Variants in VCAN observed in about 807,000 individuals in gnomAD.
VCAN encodes versican.
In VCAN, 44 loss-of-function variants were observed where a neutral mutation model predicts 245.5. The ratio of observed to expected loss-of-function variants is 0.18; its 90% CI spans 0.14 to 0.23. The LOEUF is 0.23. Ranked by LOEUF, VCAN falls within the 10% of genes least tolerant of loss-of-function variation. The pLI is 1.00. For missense variants in VCAN, 3,793 were observed against 4,057.9 expected (o/e 0.93, Z 1.77); for synonymous variants, 1,413 against 1,437.0 (o/e 0.98, Z 0.38).
intron 5 of VCAN, among the ~76,000 whole-genome samples, chr5:83,496,196 C>G (rs1187992635): frequency 1.3e-5 from 2 of 152,190 alleles, no homozygotes; most frequent in Non-Finnish European, 2.9e-5. Context: ...GAACTGGACT[C>G]TGTCAGAAGA....
At chr5:83,475,831 A>G (rs755326677) in intron 1 of VCAN, among the ~76,000 whole-genome samples, 2 of 152,236 alleles carry the variant, frequency 1.3e-5, no homozygotes, top group Non-Finnish European at 2.9e-5. Flanking sequence ...ACAATCATTT[A>G]GGATTTATGT....
Position 83,538,886 on chromosome 5 carries a change from T to G in VCAN, c.5883T>G (p.Asp1961Glu). 1 of 1,613,946 alleles carries G rather than the reference T, an allele frequency of 6.2e-7. No individual in the cohort carries two copies. Among genetic ancestry groups the G allele is most frequent in the Non-Finnish European group, 8.5e-7 (1 of 1,179,934 alleles). Residue 1961 changes from aspartate to glutamate, a missense_variant, in exon 8 of 15, where the codon GAT becomes GAG. By Grantham distance (45) the Asp-to-Glu change is conservative. Around this residue, in one of 5 missense-constraint regions of VCAN, gnomAD observed 3,182 missense variants for 3,250.3 expected, o/e 0.98. Transcript: ENST00000265077. ...CGGTAATGATGGAAGGCTCTGGAGA[T>G]GCAGCATTTAGGGACACCCAGACTT... is the stretch of plus-strand genomic sequence containing the variant. ...EETVMMEGSG[D>E]AAFRDTQTSP...
intron 5 of VCAN, among the ~76,000 whole-genome samples, chr5:83,506,683 C>T (rs1010304316): frequency 2.0e-5 from 3 of 152,182 alleles, no homozygotes; most frequent in Admixed American, 2.0e-4. Flanking sequence ...TTTTCAGCAA[C>T]ACCCCACTGT....
Position 83,484,385 on chromosome 5 carries a change from C to T in VCAN, c.70+797C>T, listed in dbSNP as rs187539780. ...TCCATTCATCTGTCCAAAATCTTTC[C>T]ATCTGTTTGCTTATCAACATCTATC... On this transcript the variant is annotated intron_variant, in intron 2 of 14. Coordinates refer to ENST00000265077, the MANE Select transcript of VCAN (RefSeq NM_004385.5). Among the ~76,000 whole-genome samples the T allele has an allele frequency of 9.9e-5, 15 of 151,972 alleles. No homozygotes were observed. The East Asian group carries it at 2.9e-3, about 29-fold the overall frequency.
chr5:83,569,590 AAAAG>A (rs1341183398), intron 12 of VCAN, among the ~76,000 whole-genome samples: 35 of 152,192 alleles, frequency 2.3e-4, no homozygotes. Flanking sequence ...GTTATGAAGA[AAAAG>A]AAATTAAGAA....
Position 83,537,474 on chromosome 5 carries a change from G to C in VCAN, c.4471G>C (p.Glu1491Gln), listed in dbSNP as rs750531791. Residue 1491 changes from glutamate (E) to glutamine (Q), a missense_variant, in exon 8 of 15, where the codon GAA becomes CAA. Coordinates refer to ENST00000265077, the MANE Select transcript of VCAN (RefSeq NM_004385.5). The stretch of plus-strand genomic sequence containing the variant: ...GCCTGAGACTTACCCTGAAACATCA[G>C]AACATTTTTCAGGTGGTGAGCCTGA... ...WKPETYPETSEHFSGGEPDVF... is the reference protein window; with the variant it reads ...WKPETYPETSQHFSGGEPDVF... The C allele has an allele frequency of 6.2e-7, 1 of 1,613,928 alleles. No individual in the cohort carries two copies. The highest frequency in any genetic ancestry group is 1.1e-5 in the South Asian group (1 of 91,080).
intron 5 of VCAN, among the ~76,000 whole-genome samples, chr5:83,502,002 G>T (rs932413334): frequency 1.3e-5 from 2 of 151,966 alleles, no homozygotes; most frequent in African/African-American, 4.8e-5. Context: ...TATAAGTTTT[G>T]CAGTTCTTTT....
Position 83,580,569 on chromosome 5 carries a change from G to A in VCAN, c.*135G>A, listed in dbSNP as rs1360657481. 3.7e-6 allele frequency: 5 copies of A among 1,336,048 alleles called. No individual in the cohort carries two copies. Among genetic ancestry groups the A allele is most frequent in the Non-Finnish European group, 4.2e-6 (4 of 955,664 alleles). The allele number at this position is 1,336,048 out of a possible 1,614,324, so 82.8% of individuals were successfully genotyped here. A position where few individuals can be genotyped will look rare whatever the true frequency, so the allele number is the denominator to read the frequency against. ...CACCGTTCAGTCATTTTGGGTTGCC[G>A]TGCTCCCAAAACATTTTAAATGAAA... On this transcript the variant is annotated 3_prime_UTR_variant, in exon 15 of 15. Transcript: ENST00000265077.
At chr5:83,544,627 T>C (rs895443834) in intron 8 of VCAN, among the ~76,000 whole-genome samples, 4 of 152,166 alleles carry the variant, frequency 2.6e-5, no homozygotes, top group African/African-American at 4.8e-5. Context: ...CATTTGGATC[T>C]TTGAAGATTT....
intron 12 of VCAN, among the ~76,000 whole-genome samples, chr5:83,570,563 T>G (rs1457866938): frequency 6.6e-6 from 1 of 152,170 alleles, no homozygotes; most frequent in Non-Finnish European, 1.5e-5. Context: ...ATATTAATTA[T>G]ACTCTTTTTG....
intron 5 of VCAN, among the ~76,000 whole-genome samples, chr5:83,504,430 T>A (rs931456088): frequency 1.3e-5 from 2 of 151,588 alleles, no homozygotes; most frequent in Admixed American, 1.3e-4. Context: ...TTGCCCAGGC[T>A]GGAGTTCAGT....
At chr5:83,491,304 T>C (rs1744972110) in intron 3 of VCAN, among the ~76,000 whole-genome samples, 1 of 152,240 alleles carries the variant, frequency 6.6e-6, no homozygotes, top group South Asian at 2.1e-4. Flanking sequence ...GAACAGATTT[T>C]CTTCCAATCC....
At chr5:83,475,569 C>T (rs140494920) in intron 1 of VCAN, among the ~76,000 whole-genome samples, 2,255 of 152,252 alleles carry the variant, frequency 0.015, 18 homozygotes, top group Non-Finnish European at 0.024. Flanking sequence ...GAGATAGAAG[C>T]GGTTCCCAGT....
chr5:83,544,055 A>G (rs1747104983), intron 8 of VCAN, among the ~76,000 whole-genome samples: 1 of 152,234 alleles, frequency 6.6e-6, no homozygotes, highest in African/African-American at 2.4e-5. Flanking sequence ...GTACTTCTTC[A>G]CATTTGTGTG....
At chr5:83,512,685 T>A in intron 6 of VCAN, 1 of 291,606 alleles carries the variant, frequency 3.4e-6, no homozygotes, top group Non-Finnish European at 6.4e-6. Flanking sequence ...GTATTTTATA[T>A]TAATTGCAGT....
At chr5:83,525,050 T>G (rs1322218224) in intron 7 of VCAN, among the ~76,000 whole-genome samples, 1 of 151,494 alleles carries the variant, frequency 6.6e-6, no homozygotes, top group Non-Finnish European at 1.5e-5. Flanking sequence ...AATCTTGTTT[T>G]TTTTTTTTTT....
chr5:83,525,863 A>C (rs2112419814), intron 7 of VCAN, among the ~76,000 whole-genome samples: 1 of 152,326 alleles, frequency 6.6e-6, no homozygotes, highest in Non-Finnish European at 1.5e-5. Flanking sequence ...TGGAGAGGAT[A>C]AAGAACAAGG....
In VCAN at chr5:83,540,835, A is replaced by G; in HGVS notation, c.7832A>G (p.Glu2611Gly). 2 of 1,614,044 alleles carry G rather than the reference A, an allele frequency of 1.2e-6. No individual in the cohort carries two copies. The highest frequency in any genetic ancestry group is 1.6e-4 in the Middle Eastern group (1 of 6,062). Residue 2611 changes from glutamate to glycine, a missense_variant, in exon 8 of 15, where the codon GAA (glutamate) becomes GGA (glycine). Glu to Gly is a moderately conservative substitution (Grantham distance 98). Transcript: ENST00000265077. ...TCAGAACCACATGACAGTAATGATG[A>G]AAGTAATGATGACAGCACTCAAGTT... ...VPSEPHDSNDESNDDSTQVQE... is the reference protein window; with the variant it reads ...VPSEPHDSNDGSNDDSTQVQE...
intron 5 of VCAN, among the ~76,000 whole-genome samples, chr5:83,498,955 C>T (rs1745249175): frequency 6.6e-6 from 1 of 152,196 alleles, no homozygotes; most frequent in Non-Finnish European, 1.5e-5. Flanking sequence ...ACCTGCTCTA[C>T]TGCAATCTAT....
Sources: allele counts gnomAD v4.1 joint callset (sites outside exome capture counted in the v4.1 genomes callset), GRCh38; gene constraint gnomAD v4.1.1; regional missense constraint gnomAD v4.1.1; transcripts MANE v1.5; gene names NCBI Gene and HGNC (gene_info 2026-07-23, HGNC 2026-07-21).